CAPN5: variants seen among roughly 807,000 people sequenced by gnomAD.
CAPN5 encodes calpain-5.
Under a neutral mutation model 73.0 loss-of-function variants are expected in CAPN5, and 54 were observed. The observed-to-expected ratio is 0.74, with a 90% CI of 0.59 to 0.93. CAPN5 has a LOEUF of 0.93. Among genes scored for constraint, CAPN5 ranks in the 40% least tolerant of loss-of-function variants. The pLI, the probability that CAPN5 is intolerant of heterozygous loss-of-function variation, is 0.00. For missense variants in CAPN5, 785 were observed against 882.9 expected (o/e 0.89, Z 1.41); for synonymous variants, 335 against 356.9 (o/e 0.94, Z 0.69).
intron 3 of CAPN5, among the ~76,000 whole-genome samples, chr11:77,094,735 A>G (rs1950190033): frequency 6.6e-6 from 1 of 152,174 alleles, no homozygotes; most frequent in Non-Finnish European, 1.5e-5. Context: ...CAAAATAAGG[A>G]CAATCGGAGT....
intron 1 of CAPN5, among the ~76,000 whole-genome samples, chr11:77,078,104 C>T (rs1477311856): frequency 6.6e-6 from 1 of 152,064 alleles, no homozygotes; most frequent in East Asian, 1.9e-4. Context: ...CTTTTGTTGT[C>T]TGTGCTTTTG....
chr11:77,075,349 C>T (rs1949958169), intron 1 of CAPN5, among the ~76,000 whole-genome samples: 2 of 152,168 alleles, frequency 1.3e-5, no homozygotes, highest in African/African-American at 4.8e-5. Context: ...CAGGGTGCCA[C>T]ACACCTGTAG....
At chr11:77,112,967 G>T (rs1565275263) in intron 4 of CAPN5, 170 bp downstream of exon 4, 1 of 658,714 alleles carries the variant, frequency 1.5e-6, no homozygotes, top group Non-Finnish European at 2.6e-6. Flanking sequence ...AGCTGAGCCT[G>T]TGCTGGGTGG....
intron 2 of CAPN5, among the ~76,000 whole-genome samples, chr11:77,085,592 A>G (rs1425328554): frequency 2.0e-5 from 3 of 152,216 alleles, no homozygotes; most frequent in African/African-American, 7.2e-5. Flanking sequence ...AATTCCACTC[A>G]CAGCCTGGCA....
Position 77,089,467 on chromosome 11 carries a change from C to T in CAPN5, c.166-4215C>T, listed in dbSNP as rs916535306. 2.6e-5 allele frequency among the ~76,000 whole-genome samples: 4 copies of T among 152,352 alleles called. No homozygotes were observed. In the South Asian group the frequency reaches 8.3e-4, roughly 32 times the overall value. ...CCTGACTCACTCTATGACCTATGTCCAGCCAGTGGCCCAGGAAAAGTGGAA... is the reference window on the plus strand; with the variant it reads ...CCTGACTCACTCTATGACCTATGTCTAGCCAGTGGCCCAGGAAAAGTGGAA... On this transcript the variant is annotated intron_variant, in intron 2 of 12. Transcript: ENST00000648180.
At position 77,120,864 on chromosome 11, in the gene CAPN5, G is replaced by A. The variant is rs782027905; in HGVS notation, c.1442G>A (p.Gly481Asp). ...IPTTFEPGHT[G>D]EFLLRVFTDV... is the part of the protein sequence containing the mutation. ...ACAACCTTCGAGCCAGGCCACACTG[G>A]CGAGTTCCTGCTCCGAGTCTTCACT... The change falls in exon 10 of 13, where the codon GGC becomes GAC. Residue 481 changes from glycine to aspartate, a missense_variant. Gly to Asp is a moderately conservative substitution (Grantham distance 94). Transcript: ENST00000648180. 6.8e-6 allele frequency: 11 copies of A among 1,614,032 alleles called. No homozygotes were observed. The African/African-American group carries it at 1.5e-4, about 22-fold the overall frequency.
chr11:77,093,285 C>T (rs938334024), intron 2 of CAPN5, among the ~76,000 whole-genome samples: 23 of 152,254 alleles, frequency 1.5e-4, no homozygotes, highest in Admixed American at 6.5e-4. Context: ...TGTGGGCTGG[C>T]GGGGGTGGGC....
At chr11:77,073,043 G>A in intron 1 of CAPN5, 1 of 1,285,942 alleles carries the variant, frequency 7.8e-7, no homozygotes, top group Non-Finnish European at 1.0e-6. Flanking sequence ...CCCACCCCGG[G>A]TGAGAGAGAA....
chr11:77,080,050 G>T (rs973567928), intron 1 of CAPN5, among the ~76,000 whole-genome samples: 2 of 152,118 alleles, frequency 1.3e-5, no homozygotes, highest in African/African-American at 4.8e-5. Flanking sequence ...GTAGGGGTAA[G>T]ACAACTGTTT....
intron 1 of CAPN5, among the ~76,000 whole-genome samples, chr11:77,068,082 G>A (rs370988949): frequency 6.6e-6 from 1 of 152,156 alleles, no homozygotes; most frequent in African/African-American, 2.4e-5. Flanking sequence ...AGGGGCTTAC[G>A]GGTGAGGCTC....
chr11:77,104,114 T>C (rs1950318728), intron 3 of CAPN5, among the ~76,000 whole-genome samples: 1 of 152,234 alleles, frequency 6.6e-6, no homozygotes, highest in African/African-American at 2.4e-5. Flanking sequence ...TATCTGTTCA[T>C]CATTGCTGCT....
At chr11:77,102,924 G>T (rs375866081) in intron 3 of CAPN5, 4 of 1,612,800 alleles carry the variant, frequency 2.5e-6, no homozygotes, top group Admixed American at 1.7e-5. Flanking sequence ...GCGGCTACGC[G>T]TGGAGAGCCT....
chr11:77,068,081 C>T (rs556680821), intron 1 of CAPN5, among the ~76,000 whole-genome samples: 22 of 152,250 alleles, frequency 1.4e-4, no homozygotes, highest in South Asian at 4.1e-4. Flanking sequence ...GAGGGGCTTA[C>T]GGGTGAGGCT....
intron 3 of CAPN5, among the ~76,000 whole-genome samples, chr11:77,095,200 C>A (rs1950194786): frequency 6.6e-6 from 1 of 152,206 alleles, no homozygotes; most frequent in South Asian, 2.1e-4. Context: ...CATTTCAATT[C>A]TACGCCTCAA....
At chr11:77,107,905 G>A (rs1950368045) in intron 3 of CAPN5, among the ~76,000 whole-genome samples, 1 of 152,202 alleles carries the variant, frequency 6.6e-6, no homozygotes, top group Non-Finnish European at 1.5e-5. Flanking sequence ...AGGCACACAT[G>A]TGTACACCAA....
chr11:77,097,085 G>C (rs1950217679), intron 3 of CAPN5, among the ~76,000 whole-genome samples: 1 of 152,170 alleles, frequency 6.6e-6, no homozygotes, highest in Non-Finnish European at 1.5e-5. Context: ...AGCCAGGCGT[G>C]GTGGTGGGCG....
At chr11:77,087,487 T>C (rs921934025) in intron 2 of CAPN5, among the ~76,000 whole-genome samples, 2 of 152,166 alleles carry the variant, frequency 1.3e-5, no homozygotes, top group Non-Finnish European at 2.9e-5. Context: ...GCTCTGTTCT[T>C]AGAGGGTCTC....
chr11:77,073,938 C>T (rs782645691), intron 1 of CAPN5, among the ~76,000 whole-genome samples: 2 of 152,110 alleles, frequency 1.3e-5, no homozygotes, highest in South Asian at 4.2e-4. Flanking sequence ...CTCCCTCCAC[C>T]GCACATTCTC....
At chr11:77,099,941 AT>A (rs565291079) in intron 3 of CAPN5, among the ~76,000 whole-genome samples, 1 of 151,658 alleles carries the variant, frequency 6.6e-6, no homozygotes, top group East Asian at 1.9e-4. Flanking sequence ...GGTTCAAGTG[AT>A]TTTCCTGCCT....
Sources: allele counts gnomAD v4.1 joint callset (sites outside exome capture counted in the v4.1 genomes callset), GRCh38; gene constraint gnomAD v4.1.1; transcripts MANE v1.5; gene names NCBI Gene and HGNC (gene_info 2026-07-23, HGNC 2026-07-21).